PTPRO: variants seen among roughly 807,000 people sequenced by gnomAD.
PTPRO encodes the protein receptor-type tyrosine-protein phosphatase O.
PTPRO carries 62 observed loss-of-function variants against 145.2 expected under a neutral mutation model. The ratio of observed to expected loss-of-function variants is 0.43; its 90% CI spans 0.35 to 0.53. The LOEUF is 0.53. PTPRO is among the 20% of genes least tolerant of loss of function. The probability of loss-of-function intolerance (pLI) is 0.01; values close to 1 mark genes in which losing one functional copy is unlikely to be tolerated. For synonymous variants in PTPRO, 565 were observed against 514.7 expected, an observed-to-expected ratio of 1.10 and a Z score of -1.32; for missense variants, 1,345 against 1,482.7, an observed-to-expected ratio of 0.91 and a Z score of 1.53.
chr12:15,491,272 T>C (rs1191629064), intron 2 of PTPRO, among the ~76,000 whole-genome samples: 1 of 152,238 alleles, frequency 6.6e-6, no homozygotes, highest in South Asian at 2.1e-4. Flanking sequence ...CAGAGGTTAC[T>C]GAACATGAAC....
intron 23 of PTPRO, among the ~76,000 whole-genome samples, chr12:15,582,069 A>T (rs1944332589): frequency 6.6e-6 from 1 of 152,234 alleles, no homozygotes; most frequent in Admixed American, 6.5e-5. Context: ...CCTTATGGGA[A>T]ATAAAGGGAT....
At chr12:15,531,953 C>A (rs1421294528) in intron 12 of PTPRO, among the ~76,000 whole-genome samples, 1 of 152,068 alleles carries the variant, frequency 6.6e-6, no homozygotes, top group Non-Finnish European at 1.5e-5. Context: ...AAGACTAATT[C>A]GTGGTTGTTT....
chr12:15,471,006 C>T (rs903802829), intron 1 of PTPRO, among the ~76,000 whole-genome samples: 5 of 152,182 alleles, frequency 3.3e-5, no homozygotes, highest in African/African-American at 9.7e-5. Flanking sequence ...TTTGTATCCT[C>T]TTACACCTGG....
chr12:15,404,033 A>G (rs957159125), intron 1 of PTPRO, among the ~76,000 whole-genome samples: 2 of 151,804 alleles, frequency 1.3e-5, no homozygotes, highest in Admixed American at 6.6e-5. Flanking sequence ...CGTCTCTACT[A>G]AAAATACAAA....
intron 1 of PTPRO, among the ~76,000 whole-genome samples, chr12:15,362,400 C>T (rs1227811466): frequency 2.6e-5 from 4 of 152,132 alleles, no homozygotes; most frequent in Admixed American, 2.0e-4. Context: ...GTTGTATTTG[C>T]TTTGATTTTC....
chr12:15,494,656 T>C (rs1417319578), intron 2 of PTPRO, among the ~76,000 whole-genome samples: 1 of 152,118 alleles, frequency 6.6e-6, no homozygotes, highest in Non-Finnish European at 1.5e-5. Context: ...AGACATTCTC[T>C]TAGTTTAAAG....
rs1429715660 is a variant in PTPRO, at chr12:15,497,336, T to A, written c.441T>A (p.Tyr147Ter). The change falls in exon 3 of 27, where the codon TAT (tyrosine) becomes TAA (stop). Residue 147 changes from tyrosine to a stop codon, truncating the protein, a stop_gained. Transcript: ENST00000281171. LOFTEE classifies it high-confidence loss of function. ...VLFEIHYPEK[Y>*]NVFTRVNISY... is the part of the protein sequence containing the mutation. ...TTGAAATACATTATCCAGAAAAATA[T>A]AACGTTTTCACAAGAGTGAACATTA... The A allele has an allele frequency of 6.2e-7, 1 of 1,610,996 alleles. No homozygotes were observed.
intron 19 of PTPRO, among the ~76,000 whole-genome samples, chr12:15,575,245 C>T (rs1055415476): frequency 3.9e-5 from 6 of 152,096 alleles, no homozygotes; most frequent in Admixed American, 1.3e-4. Context: ...GGCTGGAGTC[C>T]CTGCTAGAGC....
intron 23 of PTPRO, among the ~76,000 whole-genome samples, chr12:15,586,406 G>A (rs1369103106): frequency 6.6e-6 from 1 of 152,156 alleles, no homozygotes. Flanking sequence ...CATTAGCTGT[G>A]GGCTTCCCTC....
rs112072090 is a variant in PTPRO at position 15,515,329 on chromosome 12, C to T, written c.1465-169C>T. 4.4e-3 allele frequency among the ~76,000 whole-genome samples: 669 copies of T among 152,248 alleles called. 4 individuals carry two copies. Among genetic ancestry groups the T allele is most frequent in the African/African-American group, 0.016 (644 of 41,532 alleles). ...TCTTCTAGGTTCCCTTCAATGTTCACATAAACTATAAATCATCCTAATTTT... is the reference window on the plus strand; with the variant it reads ...TCTTCTAGGTTCCCTTCAATGTTCATATAAACTATAAATCATCCTAATTTT... On this transcript the variant is annotated intron_variant, in intron 7 of 26. Transcript: ENST00000281171.
At chr12:15,361,281 C>G (rs1332552316) in intron 1 of PTPRO, among the ~76,000 whole-genome samples, 1 of 150,672 alleles carries the variant, frequency 6.6e-6, no homozygotes, top group African/African-American at 2.4e-5. Flanking sequence ...ACTAAAAATA[C>G]AACAAAAATT....
intron 15 of PTPRO, among the ~76,000 whole-genome samples, chr12:15,556,607 C>T (rs939828908): frequency 6.6e-6 from 1 of 151,992 alleles, no homozygotes; most frequent in Non-Finnish European, 1.5e-5. Context: ...CAATACATTC[C>T]ACTCTTTTAT....
At position 15,534,837 on chromosome 12, in the gene PTPRO, GA is replaced by G. The variant is rs375889916; in HGVS notation, c.2164+8578del. Among the ~76,000 whole-genome samples the G allele has an allele frequency of 5.4e-4, 82 of 152,324 alleles. 1 individual carries two copies. Among genetic ancestry groups the G allele is most frequent in the African/African-American group, 1.8e-3 (75 of 41,582 alleles). ...AGAAAGGGATTATTGTATCAACAAT[GA>G]AAGTAGGGGAACTAATTAAGGGGCT... On this transcript the variant is annotated intron_variant, in intron 12 of 26. Transcript: ENST00000281171.
At chr12:15,575,441 G>A (rs1944160745) in intron 19 of PTPRO, among the ~76,000 whole-genome samples, 1 of 152,184 alleles carries the variant, frequency 6.6e-6, no homozygotes, top group Admixed American at 6.5e-5. Context: ...GCCTAAGAAT[G>A]AAATCTACCT....
intron 1 of PTPRO, among the ~76,000 whole-genome samples, chr12:15,323,652 G>A (rs1182584866): frequency 6.6e-6 from 1 of 152,194 alleles, no homozygotes; most frequent in East Asian, 1.9e-4. Context: ...CATGTCTTCA[G>A]TGGATCTACT....
At chr12:15,424,089 C>A (rs1940218508) in intron 1 of PTPRO, among the ~76,000 whole-genome samples, 1 of 152,146 alleles carries the variant, frequency 6.6e-6, no homozygotes, top group South Asian at 2.1e-4. Context: ...CATCTTCTGG[C>A]ATTTTAAGTT....
chr12:15,383,489 A>C (rs1388492160), intron 1 of PTPRO, among the ~76,000 whole-genome samples: 3 of 152,226 alleles, frequency 2.0e-5, no homozygotes. Flanking sequence ...ATGATAAAAA[A>C]CAATGCTGTA....
At chr12:15,382,363 G>C (rs146569614) in intron 1 of PTPRO, among the ~76,000 whole-genome samples, 63 of 152,060 alleles carry the variant, frequency 4.1e-4, no homozygotes, top group Non-Finnish European at 7.9e-4. Context: ...GATTCACCTC[G>C]AGGGACATTA....
chr12:15,564,910 G>A (rs1462512975), intron 17 of PTPRO, among the ~76,000 whole-genome samples: 1 of 152,134 alleles, frequency 6.6e-6, no homozygotes, highest in Non-Finnish European at 1.5e-5. Context: ...ACTTGGTTGG[G>A]TGAAAATCAT....
Sources: allele counts gnomAD v4.1 joint callset (sites outside exome capture counted in the v4.1 genomes callset), GRCh38; gene constraint gnomAD v4.1.1; transcripts MANE v1.5; gene names NCBI Gene and HGNC (gene_info 2026-07-23, HGNC 2026-07-21).